The following CTNNBL1 variants were observed in gnomAD, a reference collection of about 807,000 sequenced individuals.
CTNNBL1 encodes catenin beta like 1, also known as beta-catenin-like protein 1.
A neutral mutation model predicts 72.7 loss-of-function variants in CTNNBL1; 31 were observed. The ratio of observed to expected loss-of-function variants is 0.43; its 90% CI spans 0.32 to 0.58. CTNNBL1 has a LOEUF of 0.58. CTNNBL1 is among the 20% of genes least tolerant of loss of function. CTNNBL1 has a pLI of 0.08. For missense variants in CTNNBL1, 534 were observed against 725.1 expected (o/e 0.74, Z 3.03); for synonymous variants, 240 against 267.3 (o/e 0.90, Z 1.00).
intron 5 of CTNNBL1, among the ~76,000 whole-genome samples, chr20:37,764,784 C>T (rs1161293124): frequency 6.6e-6 from 1 of 151,992 alleles, no homozygotes; most frequent in African/African-American, 2.4e-5. Flanking sequence ...GGTGCATTGG[C>T]CTAAAGACGT....
chr20:37,794,199 A>T (rs1005454825), intron 10 of CTNNBL1, among the ~76,000 whole-genome samples: 3 of 116,850 alleles, frequency 2.6e-5, no homozygotes, highest in African/African-American at 9.7e-5. Flanking sequence ...CCAGATTTCC[A>T]TCCGGGGTCA....
Position 37,842,405 on chromosome 20 carries a change from G to A in CTNNBL1, c.1378G>A (p.Glu460Lys), listed in dbSNP as rs2072312003. 1 of 1,613,294 alleles carries A rather than the reference G, an allele frequency of 6.2e-7. No homozygotes were observed. The change falls in exon 13 of 16, where the codon GAA becomes AAA. Residue 460 changes from glutamate (E) to lysine (K), a missense_variant. Physicochemically the swap from Glu to Lys is moderately conservative, Grantham distance 56 (BLOSUM62 1). Coordinates refer to ENST00000361383, the MANE Select transcript of CTNNBL1 (RefSeq NM_030877.5). Reference sequence around the variant, plus strand: ...AATGCAGGTGGCGGACAAGAAGATTGAAGGGGAAAAACACGTATGTATCCC... The same window carrying A: ...AATGCAGGTGGCGGACAAGAAGATTAAAGGGGAAAAACACGTATGTATCCC... ...GAMQVADKKI[E>K]GEKHDMVRRG...
chr20:37,757,707 T>A, intron 5 of CTNNBL1, 51 bp downstream of exon 5: 1 of 1,380,970 alleles, frequency 7.2e-7, no homozygotes, highest in Non-Finnish European at 1.0e-6. Flanking sequence ...GTTGTTGGCA[T>A]TGCCACCACC....
intron 10 of CTNNBL1, among the ~76,000 whole-genome samples, chr20:37,801,214 T>A (rs187247554): frequency 2.0e-5 from 3 of 152,364 alleles, no homozygotes; most frequent in Non-Finnish European, 2.9e-5. Context: ...TGATTTATAC[T>A]TTTCTCTGAT....
chr20:37,784,846 G>C (rs867148043), intron 10 of CTNNBL1, among the ~76,000 whole-genome samples: 2 of 152,214 alleles, frequency 1.3e-5, no homozygotes, highest in Middle Eastern at 6.8e-3. Context: ...GTACCTTCAG[G>C]TGATTTCTTA....
chr20:37,767,916 T>C (rs889509661), intron 6 of CTNNBL1, 37 bp from the exon 7 acceptor site: 1 of 1,559,364 alleles, frequency 6.4e-7, no homozygotes, highest in Admixed American at 1.7e-5. Context: ...GGAAACAAAG[T>C]TGTCCTCCCA....
intron 11 of CTNNBL1, among the ~76,000 whole-genome samples, chr20:37,833,527 T>G (rs909490702): frequency 6.6e-6 from 1 of 152,198 alleles, no homozygotes; most frequent in East Asian, 1.9e-4. Flanking sequence ...TTTGAAAATG[T>G]AGATTTGCCT....
At chr20:37,737,322 CAATG>C (rs1308346358) in intron 2 of CTNNBL1, 52 bp from the exon 3 acceptor site, 1 of 1,205,498 alleles carries the variant, frequency 8.3e-7, no homozygotes, top group Non-Finnish European at 1.2e-6. Flanking sequence ...AAAGTAGTGA[CAATG>C]AATGTGAAAC....
At chr20:37,737,992 C>T (rs6067479) in intron 3 of CTNNBL1, among the ~76,000 whole-genome samples, 8 of 152,204 alleles carry the variant, frequency 5.3e-5, no homozygotes, top group Non-Finnish European at 1.2e-4. Context: ...AAGCAGCAAC[C>T]TTATCACTTA....
rs147685275 is a variant in CTNNBL1 at position 37,754,686 on chromosome 20, A to G, written c.467-2873A>G. Among the ~76,000 whole-genome samples, 189 of 152,316 alleles carry G rather than the reference A, an allele frequency of 1.2e-3. 2 individuals carry two copies. Among genetic ancestry groups the G allele is most frequent in the African/African-American group, 4.4e-3 (183 of 41,572 alleles). ...CAATAGCTAGAATTAACCTGAATGT[A>G]GCCGTGTTTAAACTGAGTGTATATC... On this transcript the variant is annotated intron_variant, in intron 4 of 15. Coordinates refer to ENST00000361383, the MANE Select transcript of CTNNBL1 (RefSeq NM_030877.5).
At chr20:37,838,028 G>C (rs753431266) in intron 11 of CTNNBL1, among the ~76,000 whole-genome samples, 1 of 152,200 alleles carries the variant, frequency 6.6e-6, no homozygotes. Flanking sequence ...TCAATAGGGT[G>C]GTCAAAGGAA....
At chr20:37,859,541 C>G (rs528541778) in intron 13 of CTNNBL1, among the ~76,000 whole-genome samples, 29 of 151,424 alleles carry the variant, frequency 1.9e-4, no homozygotes, top group Non-Finnish European at 3.8e-4. Flanking sequence ...TATGGAGGCC[C>G]AAACCAAAGA....
chr20:37,713,926 C>T (rs1025692990), intron 1 of CTNNBL1, among the ~76,000 whole-genome samples: 3 of 152,132 alleles, frequency 2.0e-5, no homozygotes, highest in Non-Finnish European at 4.4e-5. Flanking sequence ...ATCCTAAAGG[C>T]AACCCTGGGA....
intron 11 of CTNNBL1, among the ~76,000 whole-genome samples, chr20:37,833,962 G>A (rs980341145): frequency 4.6e-5 from 7 of 152,176 alleles, no homozygotes; most frequent in East Asian, 1.9e-4. Context: ...AGCCTATGGC[G>A]TGCCTCAGCA....
At chr20:37,830,238 G>A (rs1042157128) in intron 11 of CTNNBL1, among the ~76,000 whole-genome samples, 2 of 151,862 alleles carry the variant, frequency 1.3e-5, no homozygotes, top group Admixed American at 6.6e-5. Flanking sequence ...ATTATAAAAC[G>A]ATGACCACAA....
At chr20:37,718,460 G>A (rs1410131373) in intron 1 of CTNNBL1, among the ~76,000 whole-genome samples, 3 of 141,120 alleles carry the variant, frequency 2.1e-5, no homozygotes, top group Admixed American at 6.8e-5. Context: ...CCGGGCGGGG[G>A]GCTGACCCCC....
Position 37,746,537 on chromosome 20 carries a change from C to T in CTNNBL1, c.396C>T (p.Asp132=), listed in dbSNP as rs145258824. Residue 132 remains aspartate, a synonymous_variant, in exon 4 of 16, where the codon GAC becomes GAT. Transcript: ENST00000361383. ...QEMHVVATMP[D]LYHLLVELNA... ...TGCACGTGGTGGCCACCATGCCAGA[C>T]CTGTACCACCTTCTGGTGGAGCTGA... 1.9e-6 allele frequency: 3 copies of T among 1,614,134 alleles called. No individual in the cohort carries two copies. Among genetic ancestry groups the T allele is most frequent in the South Asian group, 2.2e-5 (2 of 91,088 alleles).
At chr20:37,720,776 T>C (rs945648583) in intron 1 of CTNNBL1, among the ~76,000 whole-genome samples, 1 of 152,202 alleles carries the variant, frequency 6.6e-6, no homozygotes, top group Non-Finnish European at 1.5e-5. Context: ...TTGATTTAAG[T>C]GCCAGCTATG....
rs115624447 is a variant in CTNNBL1, at chr20:37,728,910, A to C, written c.31-3969A>C. Among the ~76,000 whole-genome samples, 1,468 of 152,274 alleles carry C rather than the reference A, an allele frequency of 9.6e-3. 21 individuals are homozygous for C. Among genetic ancestry groups the C allele is most frequent in the African/African-American group, 0.034 (1,396 of 41,552 alleles). On this transcript the variant is annotated intron_variant, in intron 1 of 15. Coordinates refer to ENST00000361383, the MANE Select transcript of CTNNBL1 (RefSeq NM_030877.5). ...TAACCCTCTTAGGGATGGTATACTT[A>C]CACTATTGATAAAAGTTAACAGAGT...
Sources: allele counts gnomAD v4.1 joint callset (sites outside exome capture counted in the v4.1 genomes callset), GRCh38; gene constraint gnomAD v4.1.1; transcripts MANE v1.5; gene names NCBI Gene and HGNC (gene_info 2026-07-23, HGNC 2026-07-21).